Variants in STXBP5 observed in about 807,000 individuals in gnomAD.
The protein encoded by STXBP5 is syntaxin binding protein 5, also known as syntaxin-binding protein 5.
STXBP5 carries 50 observed loss-of-function variants against 152.4 expected under a neutral mutation model. The ratio of observed to expected loss-of-function variants is 0.33; its 90% CI spans 0.26 to 0.42. The LOEUF is 0.42. Among genes scored for constraint, STXBP5 ranks in the 10% least tolerant of loss-of-function variants. The pLI, the probability that STXBP5 is intolerant of heterozygous loss-of-function variation, is 1.00. For synonymous variants in STXBP5, 492 were observed against 494.7 expected (o/e 0.99, Z 0.07); for missense variants, 1,167 against 1,388.6 (o/e 0.84, Z 2.54).
chr6:147,369,853 A>G (rs547837369), intron 25 of STXBP5, among the ~76,000 whole-genome samples: 1 of 152,186 alleles, frequency 6.6e-6, no homozygotes, highest in South Asian at 2.1e-4. Context: ...AACTATAACC[A>G]CTTTGGAAAA....
intron 2 of STXBP5, among the ~76,000 whole-genome samples, chr6:147,220,005 TG>T (rs1777381036): frequency 6.6e-6 from 1 of 151,878 alleles, no homozygotes; most frequent in African/African-American, 2.4e-5. Flanking sequence ...TTAATATATA[TG>T]AATTCAATGC....
At chr6:147,286,795 G>A (rs924153959) in intron 8 of STXBP5, among the ~76,000 whole-genome samples, 7 of 151,900 alleles carry the variant, frequency 4.6e-5, no homozygotes, top group African/African-American at 1.7e-4. Context: ...TATCATACCA[G>A]TTCCTTCTCC....
intron 4 of STXBP5, among the ~76,000 whole-genome samples, chr6:147,243,118 T>G (rs546709994): frequency 7.9e-5 from 12 of 152,336 alleles, no homozygotes; most frequent in African/African-American, 2.9e-4. Flanking sequence ...GGAGTGCTAT[T>G]GCTGGATCAT....
intron 7 of STXBP5, among the ~76,000 whole-genome samples, chr6:147,273,195 T>TAAAAAAAAAAAAAAAAAAAAA (rs61153710): frequency 2.0e-4 from 26 of 129,178 alleles, no homozygotes; most frequent in East Asian, 7.8e-4. Context: ...TCTAAAAAAG[T>TAAAAAAAAAAAAAAAAAAAAA]AAAAAAAAAA....
At chr6:147,254,444 G>C (rs1779256274) in intron 4 of STXBP5, among the ~76,000 whole-genome samples, 1 of 152,156 alleles carries the variant, frequency 6.6e-6, no homozygotes, top group Non-Finnish European at 1.5e-5. Context: ...TTGACAAATG[G>C]GATCTAATTA....
chr6:147,293,934 A>G (rs1781397591), intron 9 of STXBP5, among the ~76,000 whole-genome samples: 1 of 152,232 alleles, frequency 6.6e-6, no homozygotes, highest in Non-Finnish European at 1.5e-5. Context: ...AGAGCTAACT[A>G]TTAAAAGTGC....
intron 27 of STXBP5, among the ~76,000 whole-genome samples, chr6:147,383,442 C>G (rs1303374921): frequency 6.6e-6 from 1 of 151,900 alleles, no homozygotes; most frequent in Non-Finnish European, 1.5e-5. Context: ...CGTTGTGGAC[C>G]AATTCATATG....
chr6:147,243,747 A>C (rs892298957), intron 4 of STXBP5, among the ~76,000 whole-genome samples: 20 of 152,052 alleles, frequency 1.3e-4, no homozygotes, highest in African/African-American at 4.8e-4. Context: ...TGTTGATTTA[A>C]ATTTTTTGAA....
intron 4 of STXBP5, among the ~76,000 whole-genome samples, chr6:147,249,349 G>A (rs919376909): frequency 2.0e-5 from 3 of 152,074 alleles, no homozygotes; most frequent in Admixed American, 6.5e-5. Flanking sequence ...TTGGAACTTC[G>A]CAGTGAGTAG....
chr6:147,325,988 T>TAAA (rs1783233433), intron 17 of STXBP5, among the ~76,000 whole-genome samples: 1 of 152,232 alleles, frequency 6.6e-6, no homozygotes, highest in African/African-American at 2.4e-5. Context: ...CAAGATGATT[T>TAAA]AAAGTATATG....
chr6:147,204,702 C>G lies in STXBP5; in HGVS notation c.150+20C>G, dbSNP rs1370697945. On this transcript the variant is annotated intron_variant, in intron 1 of 27. Coordinates refer to ENST00000321680, the MANE Select transcript of STXBP5 (RefSeq NM_001127715.4). This position sits in a 1 kb window ranked among gnomAD's most constrained non-coding sequence, Gnocchi z 4.3. ...TGCAAGGTGAACGGAGCGCGCAGCC[C>G]CGCGACACCGTCATTGAAAAATTGG... is the stretch of plus-strand genomic sequence containing the variant. The G allele has an allele frequency of 1.3e-6, 2 of 1,538,000 alleles. No homozygotes were observed. The highest frequency in any genetic ancestry group is 1.2e-5 in the South Asian group (1 of 83,638).
intron 8 of STXBP5, among the ~76,000 whole-genome samples, chr6:147,282,688 G>C (rs1023730015): frequency 1.3e-5 from 2 of 152,084 alleles, no homozygotes; most frequent in African/African-American, 4.8e-5. Context: ...TCATTACTTA[G>C]GAGGGAATAA....
At chr6:147,247,390 A>T (rs897994763) in intron 4 of STXBP5, among the ~76,000 whole-genome samples, 4 of 152,154 alleles carry the variant, frequency 2.6e-5, no homozygotes, top group Admixed American at 2.6e-4. Flanking sequence ...GGGATCTGCT[A>T]CTCTGGACCT....
intron 26 of STXBP5, 59 bp downstream of exon 26, chr6:147,373,901 A>T: frequency 7.7e-7 from 1 of 1,297,480 alleles, no homozygotes; most frequent in South Asian, 1.3e-5. Flanking sequence ...AGCCATACAA[A>T]AATTTTTTTA....
At chr6:147,295,886 G>T (rs1357613604) in intron 9 of STXBP5, among the ~76,000 whole-genome samples, 1 of 152,148 alleles carries the variant, frequency 6.6e-6, no homozygotes, top group Non-Finnish European at 1.5e-5. Flanking sequence ...TGGAGCCAGT[G>T]CTTGAGTGCT....
intron 4 of STXBP5, among the ~76,000 whole-genome samples, chr6:147,243,883 C>T (rs368135337): frequency 2.0e-5 from 3 of 151,912 alleles, no homozygotes; most frequent in East Asian, 3.9e-4. Context: ...ATTGTATTTG[C>T]TCCTTTATCA....
At chr6:147,205,568 G>A (rs1009274599) in intron 1 of STXBP5, among the ~76,000 whole-genome samples, 10 of 152,210 alleles carry the variant, frequency 6.6e-5, no homozygotes, top group African/African-American at 2.4e-4. Flanking sequence ...AGAAGTACTT[G>A]CGTTAGCATC....
chr6:147,263,237 A>G (rs2115349714), intron 6 of STXBP5, among the ~76,000 whole-genome samples: 1 of 152,016 alleles, frequency 6.6e-6, no homozygotes. Context: ...CAAGCCTTTC[A>G]ATGGGAGGCA....
chr6:147,325,183 C>A, intron 17 of STXBP5, 99 bp downstream of exon 17: 2 of 1,151,200 alleles, frequency 1.7e-6, no homozygotes, highest in Non-Finnish European at 1.1e-6. Context: ...ATATCGTCAC[C>A]TAAAATGGCA....
Sources: allele counts gnomAD v4.1 joint callset (sites outside exome capture counted in the v4.1 genomes callset), GRCh38; gene constraint gnomAD v4.1.1; non-coding constraint Gnocchi (gnomAD v3.1); transcripts MANE v1.5; gene names NCBI Gene and HGNC (gene_info 2026-07-23, HGNC 2026-07-21).